The following PCCA variants were observed in gnomAD, a reference collection of about 807,000 sequenced individuals.
The protein encoded by PCCA is propionyl-CoA carboxylase subunit alpha.
PCCA carries 74 observed loss-of-function variants against 101.3 expected under a neutral mutation model. The ratio of observed to expected loss-of-function variants is 0.73; its 90% confidence interval spans 0.61 to 0.89. The LOEUF (loss-of-function observed/expected upper bound fraction) is 0.89. Among genes scored for constraint, PCCA ranks in the 40% least tolerant of loss-of-function variants. The pLI, the probability that PCCA is intolerant of heterozygous loss-of-function variation, is 0.00. For synonymous variants in PCCA, 294 were observed against 313.6 expected (o/e 0.94, Z 0.66); for missense variants, 891 against 907.0 (o/e 0.98, Z 0.23).
chr13:100,102,867 T>C lies in PCCA; in HGVS notation c.106-16T>C, dbSNP rs1430443652. On this transcript the variant is annotated splice_polypyrimidine_tract_variant and intron_variant, in intron 1 of 23. Coordinates refer to ENST00000376285, the MANE Select transcript of PCCA (RefSeq NM_000282.4). ...ATCAAGTATTTGCAATTTATTTTGCTTTCCTTTTTTTGTAGCATGTTCTGT... is the reference window on the plus strand; with the variant it reads ...ATCAAGTATTTGCAATTTATTTTGCCTTCCTTTTTTTGTAGCATGTTCTGT... 2.5e-6 allele frequency: 4 copies of C among 1,595,974 alleles called. No individual in the cohort carries two copies. The highest frequency in any genetic ancestry group is 2.2e-5 in the South Asian group (2 of 90,704).
At chr13:100,449,134 C>G in intron 20 of PCCA, 118 bp from the exon 21 acceptor site, 1 of 619,498 alleles carries the variant, frequency 1.6e-6, no homozygotes, top group East Asian at 2.9e-5. Context: ...TATGGCTATA[C>G]TATATTTTGT....
At chr13:100,327,037 A>G (rs1241889411) in intron 16 of PCCA, among the ~76,000 whole-genome samples, 1 of 152,120 alleles carries the variant, frequency 6.6e-6, no homozygotes, top group African/African-American at 2.4e-5. Context: ...TTTTTCTACT[A>G]GATTACATGC....
chr13:100,384,650 T>C (rs960109459), intron 19 of PCCA, among the ~76,000 whole-genome samples: 2 of 152,196 alleles, frequency 1.3e-5, no homozygotes, highest in African/African-American at 2.4e-5. Flanking sequence ...AAATAGAACA[T>C]TATTATATGT....
intron 19 of PCCA, among the ~76,000 whole-genome samples, chr13:100,377,828 C>T (rs2076012662): frequency 6.6e-6 from 1 of 152,036 alleles, no homozygotes; most frequent in South Asian, 2.1e-4. Context: ...GCATTTAATC[C>T]ATTTACATTC....
chr13:100,419,009 T>C (rs1346269214), intron 19 of PCCA, among the ~76,000 whole-genome samples: 2 of 151,546 alleles, frequency 1.3e-5, no homozygotes, highest in Non-Finnish European at 2.9e-5. Flanking sequence ...CCCAGGGTTT[T>C]TTTCTTTCTT....
intron 21 of PCCA, among the ~76,000 whole-genome samples, chr13:100,508,700 C>G (rs1382828558): frequency 6.6e-6 from 1 of 152,174 alleles, no homozygotes; most frequent in East Asian, 1.9e-4. Context: ...TGGCTGCAGG[C>G]TGTAAGGCTC....
At chr13:100,119,969 T>C (rs2049209649) in intron 4 of PCCA, among the ~76,000 whole-genome samples, 1 of 152,052 alleles carries the variant, frequency 6.6e-6, no homozygotes, top group Non-Finnish European at 1.5e-5. Context: ...TCTCCTGGGT[T>C]CAAGCGATTC....
intron 5 of PCCA, among the ~76,000 whole-genome samples, chr13:100,155,375 C>T (rs996306968): frequency 6.6e-6 from 1 of 152,214 alleles, no homozygotes; most frequent in Non-Finnish European, 1.5e-5. Flanking sequence ...AAAGAAATCC[C>T]AATTAGTTTT....
rs1157795042 is a variant in PCCA, at chr13:100,264,172, CGT to C, written c.819+1342_819+1343del. On this transcript the variant is annotated intron_variant, in intron 10 of 23. Coordinates refer to ENST00000376285, the MANE Select transcript of PCCA (RefSeq NM_000282.4). The stretch of plus-strand genomic sequence containing the variant: ...TCGTATATATATGGTATCTGTATAT[CGT>C]ATATATGTGATATCTGTATATCATA... Among the ~76,000 whole-genome samples the C allele has an allele frequency of 3.8e-4, 41 of 109,046 alleles. 1 individual carries two copies. The highest frequency in any genetic ancestry group is 5.2e-4 in the South Asian group (2 of 3,820). The allele number at this position is 109,046 out of a possible 152,430, so 71.5% of individuals were successfully genotyped here. A position where few individuals can be genotyped will look rare whatever the true frequency, so the allele number is the denominator to read the frequency against.
At chr13:100,274,060 C>T (rs565512967) in intron 12 of PCCA, among the ~76,000 whole-genome samples, 5 of 152,238 alleles carry the variant, frequency 3.3e-5, no homozygotes, top group African/African-American at 1.2e-4. Flanking sequence ...TACAAAACAG[C>T]CAGCTCTTTT....
intron 1 of PCCA, among the ~76,000 whole-genome samples, chr13:100,100,538 C>T (rs992414375): frequency 3.9e-5 from 6 of 152,062 alleles, no homozygotes; most frequent in African/African-American, 1.4e-4. Flanking sequence ...TGTAGAGGTC[C>T]AAATTAGCAG....
intron 7 of PCCA, among the ~76,000 whole-genome samples, chr13:100,221,746 A>ATTTTTTTTTTTTTTTTTTTTTTT (rs3034654): frequency 1.6e-5 from 2 of 121,602 alleles, no homozygotes; most frequent in Non-Finnish European, 3.3e-5. Context: ...TCCCTGGGAA[A>ATTTTTTTTTTTTTTTTTTTTTTT]TTTTTTTTTT....
intron 4 of PCCA, among the ~76,000 whole-genome samples, chr13:100,143,075 A>T (rs898326555): frequency 6.6e-6 from 1 of 152,082 alleles, no homozygotes; most frequent in African/African-American, 2.4e-5. Context: ...CTGTTTTTCA[A>T]TCCTGCTACT....
At chr13:100,156,064 T>A (rs182888465) in intron 5 of PCCA, among the ~76,000 whole-genome samples, 1 of 151,496 alleles carries the variant, frequency 6.6e-6, no homozygotes, top group Non-Finnish European at 1.5e-5. Context: ...TTAGTTCAGC[T>A]TTTTTTTTGT....
intron 8 of PCCA, among the ~76,000 whole-genome samples, chr13:100,250,700 A>G (rs141051930): frequency 6.6e-6 from 1 of 152,292 alleles, no homozygotes; most frequent in African/African-American, 2.4e-5. Flanking sequence ...GATTCTAGAC[A>G]TTGTAAATGT....
chr13:100,319,527 G>A (rs2067766417), intron 16 of PCCA, among the ~76,000 whole-genome samples: 1 of 152,166 alleles, frequency 6.6e-6, no homozygotes. Flanking sequence ...GTGTAAGGAA[G>A]GGATCCAGTT....
chr13:100,522,257 A>C (rs1210432705), intron 22 of PCCA, among the ~76,000 whole-genome samples: 1 of 152,146 alleles, frequency 6.6e-6, no homozygotes, highest in East Asian at 1.9e-4. Context: ...TCTGGCGTAC[A>C]TTGTGTGCTC....
intron 7 of PCCA, among the ~76,000 whole-genome samples, chr13:100,218,568 G>A (rs143235097): frequency 1.4e-3 from 214 of 152,236 alleles, no homozygotes; most frequent in African/African-American, 5.0e-3. Context: ...AGCTTTTTGA[G>A]GAACTGTCAG....
At chr13:100,511,849 A>G (rs2086507614) in intron 21 of PCCA, among the ~76,000 whole-genome samples, 2 of 152,166 alleles carry the variant, frequency 1.3e-5, no homozygotes, top group African/African-American at 4.8e-5. Context: ...GCTGTGGAAA[A>G]AAGTGGGTGG....
Sources: allele counts gnomAD v4.1 joint callset (sites outside exome capture counted in the v4.1 genomes callset), GRCh38; gene constraint gnomAD v4.1.1; transcripts MANE v1.5; gene names NCBI Gene and HGNC (gene_info 2026-07-23, HGNC 2026-07-21).